SEMA5A: variants seen among roughly 807,000 people sequenced by gnomAD.
SEMA5A encodes semaphorin 5A, also known as semaphorin-5A.
In SEMA5A, 55 loss-of-function variants were observed where a neutral mutation model predicts 135.5. The ratio of observed to expected loss-of-function variants is 0.41; its 90% CI spans 0.33 to 0.51. The LOEUF (loss-of-function observed/expected upper bound fraction) is 0.51, where lower values mean the gene tolerates loss of function less well. Among genes scored for constraint, SEMA5A ranks in the 20% least tolerant of loss-of-function variants. The pLI is 0.37. For synonymous variants in SEMA5A, 580 were observed against 546.5 expected (o/e 1.06, Z -0.85); for missense variants, 1,290 against 1,419.9 (o/e 0.91, Z 1.47).
chr5:9,129,225 T>A (rs569242437), intron 13 of SEMA5A, among the ~76,000 whole-genome samples: 7 of 152,318 alleles, frequency 4.6e-5, no homozygotes, highest in African/African-American at 1.7e-4. Context: ...GCAGAAACAG[T>A]TACCAAACCC....
At chr5:9,132,380 G>T (rs150744169) in intron 13 of SEMA5A, among the ~76,000 whole-genome samples, 15 of 152,266 alleles carry the variant, frequency 9.9e-5, no homozygotes, top group African/African-American at 3.6e-4. Context: ...GGTCAGGAGG[G>T]CTCCTACCTC....
chr5:9,148,483 G>A (rs775049035), intron 12 of SEMA5A, among the ~76,000 whole-genome samples: 4 of 152,170 alleles, frequency 2.6e-5, no homozygotes, highest in Non-Finnish European at 5.9e-5. Flanking sequence ...GAACGCGGGA[G>A]GATTATGAGG....
At chr5:9,180,059 C>G (rs1252056383) in intron 11 of SEMA5A, among the ~76,000 whole-genome samples, 1 of 152,180 alleles carries the variant, frequency 6.6e-6, no homozygotes, top group African/African-American at 2.4e-5. Flanking sequence ...CATTTGTGCA[C>G]TCCAATCTCT....
intron 1 of SEMA5A, among the ~76,000 whole-genome samples, chr5:9,477,638 G>C (rs1026369363): frequency 6.6e-6 from 1 of 152,170 alleles, no homozygotes; most frequent in Non-Finnish European, 1.5e-5. Context: ...CTTTGAACTC[G>C]AGAGAGATGA....
chr5:9,271,681 C>T (rs1749981203), intron 5 of SEMA5A, among the ~76,000 whole-genome samples: 1 of 152,156 alleles, frequency 6.6e-6, no homozygotes, highest in Admixed American at 6.5e-5. Context: ...GTACCTAGTG[C>T]ATCTCATTGG....
chr5:9,248,375 C>T (rs1748584688), intron 5 of SEMA5A, among the ~76,000 whole-genome samples: 1 of 152,008 alleles, frequency 6.6e-6, no homozygotes, highest in Admixed American at 6.6e-5. Flanking sequence ...AATGTTACAA[C>T]TTCACTCAAT....
intron 1 of SEMA5A, among the ~76,000 whole-genome samples, chr5:9,474,785 G>A (rs1161004705): frequency 3.3e-5 from 5 of 151,902 alleles, no homozygotes; most frequent in Admixed American, 2.0e-4. Flanking sequence ...TCACCCCCTC[G>A]CCCGAGACAC....
intron 3 of SEMA5A, among the ~76,000 whole-genome samples, chr5:9,340,422 A>G (rs1226891286): frequency 6.6e-6 from 1 of 152,204 alleles, no homozygotes; most frequent in Non-Finnish European, 1.5e-5. Flanking sequence ...AAGATAGAAG[A>G]AAATCAGGTT....
intron 8 of SEMA5A, among the ~76,000 whole-genome samples, chr5:9,218,512 T>C (rs753184652): frequency 3.3e-5 from 5 of 152,228 alleles, no homozygotes; most frequent in Non-Finnish European, 5.9e-5. Context: ...AAGCAAATTG[T>C]CTCATACACA....
Position 9,036,146 on chromosome 5 carries a change from T to TC in SEMA5A, c.*6750dup, listed in dbSNP as rs1735643787. On this transcript the variant is annotated 3_prime_UTR_variant, in exon 23 of 23. Transcript: ENST00000382496. Reference sequence around the variant, plus strand: ...CATTGGACCAAAAGTTTGTGCATTTTCTTGCAGATGATGTAGAATCTCAGT... The same window carrying TC: ...CATTGGACCAAAAGTTTGTGCATTTTCCTTGCAGATGATGTAGAATCTCAGT... 6.6e-6 allele frequency: 1 copy of TC among 152,196 alleles called. No individual in the cohort carries two copies. The highest frequency in any genetic ancestry group is 2.4e-5 in the African/African-American group (1 of 41,456). The allele number at this position is 152,196 out of a possible 1,614,324, so 9.4% of individuals were successfully genotyped here.
chr5:9,046,773 C>A (rs1012094214), intron 21 of SEMA5A, among the ~76,000 whole-genome samples: 1 of 152,214 alleles, frequency 6.6e-6, no homozygotes, highest in African/African-American at 2.4e-5. Flanking sequence ...GGAGCTGGAT[C>A]TGCCCCTTCG....
chr5:9,403,876 C>G lies in SEMA5A; in HGVS notation c.-77-23853G>C, dbSNP rs140526379. On this transcript the variant is annotated intron_variant, in intron 2 of 22. Coordinates refer to ENST00000382496, the MANE Select transcript of SEMA5A (RefSeq NM_003966.3). Reference sequence around the variant, plus strand: ...CAAAGGTCTGGATATAGAGTGTTTACATCCAAGTTCTAAGCCTCACCCAGC... The same window carrying G: ...CAAAGGTCTGGATATAGAGTGTTTAGATCCAAGTTCTAAGCCTCACCCAGC... 1.4e-4 allele frequency among the ~76,000 whole-genome samples: 21 copies of G among 152,294 alleles called. No individual in the cohort carries two copies. In the East Asian group the frequency reaches 4.0e-3, roughly 29 times the overall value.
At chr5:9,382,274 T>C (rs2126490023) in intron 2 of SEMA5A, among the ~76,000 whole-genome samples, 1 of 152,122 alleles carries the variant, frequency 6.6e-6, no homozygotes, top group African/African-American at 2.4e-5. Flanking sequence ...GATTCCTGCC[T>C]AGGCAACAGA....
At chr5:9,210,871 G>A (rs575826945) in intron 8 of SEMA5A, among the ~76,000 whole-genome samples, 4 of 152,282 alleles carry the variant, frequency 2.6e-5, no homozygotes, top group Non-Finnish European at 2.9e-5. Flanking sequence ...TCTTCCTTGC[G>A]GGTGGTGTAA....
intron 5 of SEMA5A, among the ~76,000 whole-genome samples, chr5:9,257,997 C>T (rs1267988316): frequency 6.6e-6 from 1 of 152,216 alleles, no homozygotes; most frequent in African/African-American, 2.4e-5. Flanking sequence ...CACCCTACAA[C>T]TAGCTGCCAG....
At chr5:9,405,918 C>T (rs937929065) in intron 2 of SEMA5A, among the ~76,000 whole-genome samples, 1 of 152,046 alleles carries the variant, frequency 6.6e-6, no homozygotes, top group Non-Finnish European at 1.5e-5. Flanking sequence ...CACAAGTGGC[C>T]AGCAAAGAAA....
chr5:9,123,261 A>G (rs1179573926), intron 13 of SEMA5A, among the ~76,000 whole-genome samples: 2 of 68,804 alleles, frequency 2.9e-5, no homozygotes, highest in African/African-American at 1.5e-4. Flanking sequence ...TCCGCCTCAA[A>G]AAAAAAAAAA....
At chr5:9,328,745 C>G (rs1355176450) in intron 4 of SEMA5A, among the ~76,000 whole-genome samples, 1 of 152,184 alleles carries the variant, frequency 6.6e-6, no homozygotes, top group Non-Finnish European at 1.5e-5. Flanking sequence ...CATTGCACCA[C>G]TGCACTCCAG....
chr5:9,237,964 G>A, intron 5 of SEMA5A, 74 bp from the exon 6 acceptor site: 1 of 1,390,684 alleles, frequency 7.2e-7, no homozygotes, highest in South Asian at 1.2e-5. Context: ...AAGGTAACAA[G>A]GCACTGGTAA....
Sources: gnomAD v4.1 joint callset for allele counts (sites outside exome capture counted in the v4.1 genomes callset) on GRCh38, gnomAD v4.1.1 for gene constraint, MANE v1.5 for transcripts, NCBI Gene and HGNC (gene_info 2026-07-23, HGNC 2026-07-21) for gene names.